Variants in GALNT13 observed in about 807,000 individuals in gnomAD.
The protein encoded by GALNT13 is polypeptide N-acetylgalactosaminyltransferase 13, also known as UDP-GalNAc:polypeptide N-acetylgalactosaminyltransferase 13.
In GALNT13, 28 loss-of-function variants were observed where a neutral mutation model predicts 64.2. That is an observed-to-expected ratio of 0.44 (90% CI 0.32 to 0.60). The LOEUF is 0.60. Ranked by LOEUF, GALNT13 falls within the 20% of genes least tolerant of loss-of-function variation. The pLI is 0.05. For missense variants in GALNT13, 577 were observed against 669.8 expected (o/e 0.86, Z 1.53); for synonymous variants, 214 against 224.6 (o/e 0.95, Z 0.42).
intron 9 of GALNT13, among the ~76,000 whole-genome samples, chr2:154,330,365 C>T (rs1220337447): frequency 6.6e-6 from 1 of 152,088 alleles, no homozygotes; most frequent in South Asian, 2.1e-4. Context: ...TTTGCAGTGC[C>T]TTCTTCCACA....
the GALNT13 span, among the ~76,000 whole-genome samples, chr2:153,493,511 G>T: frequency 6.6e-6 from 1 of 151,984 alleles, no homozygotes; most frequent in South Asian, 2.1e-4. Flanking sequence ...TTCTTACTCA[G>T]AAATTTTCAC....
chr2:154,345,998 T>A (rs924907754), intron 9 of GALNT13, among the ~76,000 whole-genome samples: 3 of 152,048 alleles, frequency 2.0e-5, no homozygotes, highest in Non-Finnish European at 4.4e-5. Context: ...TCCATTCCTA[T>A]AACTGAAGCT....
chr2:153,616,651 G>A, the GALNT13 span, among the ~76,000 whole-genome samples: 2 of 151,506 alleles, frequency 1.3e-5, no homozygotes, highest in Non-Finnish European at 3.0e-5. Flanking sequence ...TTCTTCTTTG[G>A]TTAATTTCTA....
At chr2:153,775,574 A>AT in the GALNT13 span, among the ~76,000 whole-genome samples, 7 of 151,930 alleles carry the variant, frequency 4.6e-5, no homozygotes, top group Non-Finnish European at 5.9e-5. Context: ...AACTTTCTTA[A>AT]TTTTTTTTCA....
rs147979714 is a variant in GALNT13 at position 154,333,319 on chromosome 2, TAG to T, written c.1156+31734_1156+31735del. 7.1e-3 allele frequency among the ~76,000 whole-genome samples: 1,076 copies of T among 152,160 alleles called. 11 individuals carry two copies. The highest frequency in any genetic ancestry group is 0.025 in the African/African-American group (1,019 of 41,536). ...AAAAATACATAAATGTTTTTCTAAG[TAG>T]AGACATGTTTTATAAAAGAAATATG... is the stretch of plus-strand genomic sequence containing the variant. On this transcript the variant is annotated intron_variant, in intron 9 of 12. Coordinates refer to ENST00000392825, the MANE Select transcript of GALNT13 (RefSeq NM_052917.4).
At chr2:153,466,547 G>C in the GALNT13 span, among the ~76,000 whole-genome samples, 1 of 151,838 alleles carries the variant, frequency 6.6e-6, no homozygotes, top group Admixed American at 6.6e-5. Flanking sequence ...CAAAAACAGA[G>C]GGGAGCTGGA....
chr2:153,831,764 C>T, the GALNT13 span, among the ~76,000 whole-genome samples: 1 of 152,148 alleles, frequency 6.6e-6, no homozygotes, highest in Non-Finnish European at 1.5e-5. Context: ...ACTTCTACGT[C>T]CTGATTGGGT....
chr2:154,017,377 C>T (rs1697079609), intron 3 of GALNT13, among the ~76,000 whole-genome samples: 1 of 152,082 alleles, frequency 6.6e-6, no homozygotes. Flanking sequence ...ATAATGTCCT[C>T]ATTATTTGAA....
the GALNT13 span, among the ~76,000 whole-genome samples, chr2:153,564,346 T>TAAAATTATA: frequency 6.6e-6 from 1 of 152,158 alleles, no homozygotes; most frequent in Admixed American, 6.5e-5. Flanking sequence ...TATACCATAC[T>TAAAATTATA]AAAATTATAG....
rs188377056 is a variant in GALNT13 at position 154,304,240 on chromosome 2, C to A, written c.1156+2651C>A. Among the ~76,000 whole-genome samples, 20 of 152,236 alleles carry A rather than the reference C, an allele frequency of 1.3e-4. No homozygotes were observed. The East Asian group carries it at 3.7e-3, about 28-fold the overall frequency. ...GTTAAAAAGCTATTACGAGGAACAC[C>A]ATTTCATGCATAGATGTATTTCCCT... On this transcript the variant is annotated intron_variant, in intron 9 of 12. Coordinates refer to ENST00000392825, the MANE Select transcript of GALNT13 (RefSeq NM_052917.4).
chr2:153,199,576 T>C, the GALNT13 span, among the ~76,000 whole-genome samples: 1 of 152,354 alleles, frequency 6.6e-6, no homozygotes, highest in South Asian at 2.1e-4. Flanking sequence ...GCCTCTTGCC[T>C]GTCCTTACTG....
chr2:153,436,577 A>G, the GALNT13 span, among the ~76,000 whole-genome samples: 1 of 152,140 alleles, frequency 6.6e-6, no homozygotes. Flanking sequence ...GTGTACAGGA[A>G]TTTATCCATT....
chr2:153,215,358 A>G, the GALNT13 span, among the ~76,000 whole-genome samples: 2 of 152,126 alleles, frequency 1.3e-5, no homozygotes, highest in African/African-American at 4.8e-5. Flanking sequence ...GCATTATCCA[A>G]CATAAAACAA....
At chr2:154,427,417 C>T (rs978989942) in intron 11 of GALNT13, among the ~76,000 whole-genome samples, 2 of 152,124 alleles carry the variant, frequency 1.3e-5, no homozygotes, top group African/African-American at 2.4e-5. Context: ...TGTATGAAGA[C>T]TTTAAGGAGA....
At chr2:154,366,208 T>C (rs1466106952) in intron 9 of GALNT13, among the ~76,000 whole-genome samples, 1 of 152,178 alleles carries the variant, frequency 6.6e-6, no homozygotes, top group East Asian at 1.9e-4. Context: ...ATGTCCCAGA[T>C]GCAGAAAGTC....
At chr2:153,480,875 T>C in the GALNT13 span, among the ~76,000 whole-genome samples, 1 of 152,220 alleles carries the variant, frequency 6.6e-6, no homozygotes. Context: ...AGTTAGTTTA[T>C]AGTACATTTG....
the GALNT13 span, among the ~76,000 whole-genome samples, chr2:153,320,075 T>C: frequency 6.6e-5 from 10 of 152,196 alleles, no homozygotes; most frequent in Admixed American, 6.5e-4. Context: ...GCACTCTTCA[T>C]CAATGAAATC....
intron 9 of GALNT13, among the ~76,000 whole-genome samples, chr2:154,373,280 A>C (rs962939745): frequency 6.6e-6 from 1 of 152,138 alleles, no homozygotes; most frequent in African/African-American, 2.4e-5. Context: ...TAGTAACCAA[A>C]TTAAGTATAA....
chr2:154,060,886 A>G (rs758072658), intron 3 of GALNT13, among the ~76,000 whole-genome samples: 16 of 152,226 alleles, frequency 1.1e-4, no homozygotes, highest in Non-Finnish European at 2.2e-4. Context: ...AGCAAGCTAT[A>G]GAGACCTGAA....
Sources: gnomAD v4.1 joint callset for allele counts (sites outside exome capture counted in the v4.1 genomes callset) on GRCh38, gnomAD v4.1.1 for gene constraint, MANE v1.5 for transcripts, NCBI Gene and HGNC (gene_info 2026-07-23, HGNC 2026-07-21) for gene names.